The following ZBBX variants were observed in gnomAD, a reference collection of about 807,000 sequenced individuals.
The protein encoded by ZBBX is zinc finger B-box domain-containing protein 1.
Under a neutral mutation model 108.5 loss-of-function variants are expected in ZBBX, and 101 were observed. The ratio of observed to expected loss-of-function variants is 0.93; its 90% CI spans 0.79 to 1.10. The LOEUF (loss-of-function observed/expected upper bound fraction) is 1.10, where lower values mean the gene tolerates loss of function less well. ZBBX is among the 50% of genes least tolerant of loss of function. The pLI is 0.00. For synonymous variants in ZBBX, 356 were observed against 323.4 expected (o/e 1.10, Z -1.08); for missense variants, 1,009 against 941.4 (o/e 1.07, Z -0.94).
chr3:167,180,929 T>A, the ZBBX span, among the ~76,000 whole-genome samples: 1 of 152,206 alleles, frequency 6.6e-6, no homozygotes, highest in East Asian at 1.9e-4. Flanking sequence ...TTACCTGATT[T>A]TTTTCTTAAT....
rs201486548 is a variant in ZBBX at position 167,355,572 on chromosome 3, T to TTA, written c.432+4296_432+4297dup. On this transcript the variant is annotated intron_variant, in intron 8 of 21. Coordinates refer to ENST00000675490, the MANE Select transcript of ZBBX (RefSeq NM_001199201.2). ...CTATATACATAGATATATATATCCTTTATATATATATTCATATATACACAT... is the reference window on the plus strand; with the variant it reads ...CTATATACATAGATATATATATCCTTTATATATATATATTCATATATACACAT... Among the ~76,000 whole-genome samples, 302 of 151,474 alleles carry TTA rather than the reference T, an allele frequency of 2.0e-3. 3 individuals carry two copies. Among genetic ancestry groups the TTA allele is most frequent in the East Asian group, 0.017 (87 of 5,158 alleles).
At chr3:167,402,001 G>A (rs1441086013) in intron 1 of ZBBX, among the ~76,000 whole-genome samples, 1 of 152,138 alleles carries the variant, frequency 6.6e-6, no homozygotes, top group Non-Finnish European at 1.5e-5. Context: ...GGCAGGTCTG[G>A]ATGCAGGACG....
chr3:167,346,783 C>G (rs138242261), intron 9 of ZBBX, among the ~76,000 whole-genome samples: 1 of 151,450 alleles, frequency 6.6e-6, no homozygotes, highest in East Asian at 1.9e-4. Context: ...AAAGCCAAAG[C>G]ACAACAACAA....
chr3:167,390,652 CTCTCT>C (rs1444496881), intron 1 of ZBBX, among the ~76,000 whole-genome samples: 1 of 151,886 alleles, frequency 6.6e-6, no homozygotes, highest in Non-Finnish European at 1.5e-5. Context: ...TTGTTGTGTC[CTCTCT>C]TATTTCCTTG....
Position 167,273,785 on chromosome 3 carries a change from G to T in ZBBX, c.2254+8453C>A, listed in dbSNP as rs185535232. 1.6e-4 allele frequency among the ~76,000 whole-genome samples: 24 copies of T among 152,256 alleles called. No homozygotes were observed. The East Asian group carries it at 4.5e-3, about 28-fold the overall frequency. ...AACACAACGCCACAAAATAAAAGAAGCCCCTTATGGGTCTTTTGACTCTGA... is the reference window on the plus strand; with the variant it reads ...AACACAACGCCACAAAATAAAAGAATCCCCTTATGGGTCTTTTGACTCTGA... On this transcript the variant is annotated intron_variant, in intron 20 of 21. Transcript: ENST00000675490.
intron 1 of ZBBX, among the ~76,000 whole-genome samples, chr3:167,401,086 T>C (rs533283832): frequency 6.6e-6 from 1 of 152,288 alleles, no homozygotes; most frequent in South Asian, 2.1e-4. Context: ...AATGTGGTCC[T>C]TGGACTCAAA....
intron 11 of ZBBX, 21 bp downstream of exon 11, chr3:167,327,913 CAAAAAAAA>C: frequency 3.5e-6 from 4 of 1,155,938 alleles, no homozygotes; most frequent in Non-Finnish European, 4.4e-6. Flanking sequence ...GACTCTGTCT[CAAAAAAAA>C]AAAAAAAAAA....
chr3:167,301,585 A>G (rs1188195169), intron 17 of ZBBX, among the ~76,000 whole-genome samples: 4 of 152,176 alleles, frequency 2.6e-5, no homozygotes, highest in African/African-American at 9.7e-5. Flanking sequence ...GTTTCATCCT[A>G]TACATTATTT....
chr3:167,305,864 AG>A lies in ZBBX; in HGVS notation c.1503del (p.Phe502LeufsTer5), dbSNP rs1733549745. 6.2e-7 allele frequency: 1 copy of A among 1,610,224 alleles called. No homozygotes were observed. Among genetic ancestry groups the A allele is most frequent in the Non-Finnish European group, 8.5e-7 (1 of 1,178,398 alleles). On this transcript the variant is annotated frameshift_variant, in exon 17 of 22. Transcript: ENST00000675490. LOFTEE classifies it high-confidence loss of function. ...TTTTTCTCCTTTAAATTTCTTTCAA[AG>A]GAGGTGCTTTCCTCAATTTTTTCAA... Reference protein sequence around the residue: ...SDIEKIEESTSFERNLKEKNI... With the variant: ...SDIEKIEESTXFERNLKEKNI...
intron 20 of ZBBX, among the ~76,000 whole-genome samples, chr3:167,257,408 C>T (rs1023185893): frequency 3.3e-5 from 5 of 152,028 alleles, no homozygotes; most frequent in Admixed American, 3.3e-4. Context: ...ACTTCTTTAT[C>T]TTTTTTAATT....
At chr3:167,303,905 C>CAT (rs1363134777) in intron 17 of ZBBX, among the ~76,000 whole-genome samples, 1 of 152,106 alleles carries the variant, frequency 6.6e-6, no homozygotes, top group East Asian at 1.9e-4. Context: ...CACAATCTGT[C>CAT]ATATTACTAA....
chr3:167,251,991 A>G (rs1722709653), intron 20 of ZBBX: 35 of 434,782 alleles, frequency 8.1e-5, no homozygotes, highest in South Asian at 6.9e-4. Flanking sequence ...CTAGAATGGC[A>G]CTCTGATATC....
chr3:167,313,918 A>C, intron 16 of ZBBX, 56 bp downstream of exon 16: 1 of 1,438,784 alleles, frequency 7.0e-7, no homozygotes, highest in Non-Finnish European at 9.2e-7. Flanking sequence ...ATAGACTGCA[A>C]TAGTAAATTA....
chr3:167,279,456 GACAA>G (rs1410664146), intron 20 of ZBBX, among the ~76,000 whole-genome samples: 3 of 151,720 alleles, frequency 2.0e-5, no homozygotes, highest in Non-Finnish European at 4.4e-5. Context: ...ACCAATAACA[GACAA>G]ACAGAGAGCC....
intron 20 of ZBBX, among the ~76,000 whole-genome samples, chr3:167,251,066 A>ACCACTGACCAGCAGG: frequency 6.6e-6 from 1 of 152,248 alleles, no homozygotes; most frequent in East Asian, 1.9e-4. Flanking sequence ...ACACCAGCAG[A>ACCACTGACCAGCAGG]CCACTGACCA....
chr3:167,186,698 T>C, the ZBBX span, among the ~76,000 whole-genome samples: 1 of 152,048 alleles, frequency 6.6e-6, no homozygotes, highest in African/African-American at 2.4e-5. Flanking sequence ...AATATATACA[T>C]AAAGGGTTTC....
At chr3:167,310,882 G>A (rs1184315952) in intron 16 of ZBBX, among the ~76,000 whole-genome samples, 1 of 152,168 alleles carries the variant, frequency 6.6e-6, no homozygotes, top group African/African-American at 2.4e-5. Context: ...CTATGTTCAT[G>A]GATGGGAAGA....
chr3:167,298,370 C>A lies in ZBBX; in HGVS notation c.1814G>T (p.Arg605Ile). ...ACGATGAGAAGGAAGTAAGTTGAGT[C>A]TTTCATTTGTATCAAAAATAAAGAA... ...ERFFIFDTNE[R>I]LNLLPSHRLE... is the part of the protein sequence containing the mutation. Residue 605 changes from arginine to isoleucine, a missense_variant, in exon 18 of 22, where the codon AGA becomes ATA. Coordinates refer to ENST00000675490, the MANE Select transcript of ZBBX (RefSeq NM_001199201.2). 1 of 1,600,146 alleles carries A rather than the reference C, an allele frequency of 6.2e-7. No individual in the cohort carries two copies. Among genetic ancestry groups the A allele is most frequent in the South Asian group, 1.1e-5 (1 of 88,360 alleles).
chr3:167,240,885 G>A lies in ZBBX; in HGVS notation c.2428C>T (p.Leu810=), dbSNP rs750459806. The A allele has an allele frequency of 6.2e-7, 1 of 1,613,382 alleles. No homozygotes were observed. Among genetic ancestry groups the A allele is most frequent in the South Asian group, 1.1e-5 (1 of 91,054 alleles). Residue 810 remains leucine, a synonymous_variant, in exon 22 of 22, where the codon CTG becomes TTG. Transcript: ENST00000675490. ...TCTGTACTGCTCTCAGAAAGTGACAGCAAAGACTGAATTTTGGTATCTCTT... is the reference window on the plus strand; with the variant it reads ...TCTGTACTGCTCTCAGAAAGTGACAACAAAGACTGAATTTTGGTATCTCTT... ...SGRDTKIQSL[L]SLSESSTDEE... is the part of the protein sequence containing the mutation.
Sources: gnomAD v4.1 joint callset for allele counts (sites outside exome capture counted in the v4.1 genomes callset) on GRCh38, gnomAD v4.1.1 for gene constraint, MANE v1.5 for transcripts, NCBI Gene and HGNC (gene_info 2026-07-23, HGNC 2026-07-21) for gene names.